The following ELAPOR2 variants were observed in gnomAD, a reference collection of about 807,000 sequenced individuals.
The protein encoded by ELAPOR2 is endosome/lysosome-associated apoptosis and autophagy regulator family member 2.
ELAPOR2 carries 89 observed loss-of-function variants against 120.7 expected under a neutral mutation model. That is an observed-to-expected ratio of 0.74 (90% confidence interval 0.62 to 0.88). ELAPOR2 has a LOEUF of 0.88. Ranked by LOEUF, ELAPOR2 falls within the 40% of genes least tolerant of loss-of-function variation. The probability of loss-of-function intolerance (pLI) is 0.00; values close to 1 mark genes in which losing one functional copy is unlikely to be tolerated. For synonymous variants in ELAPOR2, 444 were observed against 444.9 expected, an observed-to-expected ratio of 1.00 and a Z score of 0.03; for missense variants, 1,134 against 1,251.6, an observed-to-expected ratio of 0.91 and a Z score of 1.42.
chr7:86,909,478 G>A (rs1789192389), intron 16 of ELAPOR2, among the ~76,000 whole-genome samples: 1 of 152,064 alleles, frequency 6.6e-6, no homozygotes, highest in South Asian at 2.1e-4. Context: ...TAATTTAGGT[G>A]TAGTTGTGTT....
chr7:86,927,140 T>A (rs758858883), intron 8 of ELAPOR2, among the ~76,000 whole-genome samples: 1 of 151,916 alleles, frequency 6.6e-6, no homozygotes, highest in Non-Finnish European at 1.5e-5. Flanking sequence ...TGGCCTTCCC[T>A]CGTACACAGC....
chr7:86,999,010 T>C (rs756320889), intron 1 of ELAPOR2, among the ~76,000 whole-genome samples: 51 of 152,080 alleles, frequency 3.4e-4, no homozygotes, highest in Non-Finnish European at 5.7e-4. Context: ...AACTTATTTA[T>C]ATATTAGGTA....
intron 21 of ELAPOR2, among the ~76,000 whole-genome samples, chr7:86,882,130 G>A (rs1444841740): frequency 6.6e-6 from 1 of 152,202 alleles, no homozygotes; most frequent in Non-Finnish European, 1.5e-5. Flanking sequence ...GGCTCTGTGA[G>A]AACTGGCCTG....
At chr7:86,883,858 G>T (rs1202769352) in intron 21 of ELAPOR2, among the ~76,000 whole-genome samples, 5 of 152,132 alleles carry the variant, frequency 3.3e-5, no homozygotes, top group African/African-American at 1.2e-4. Flanking sequence ...TCATTAAATT[G>T]TATATTTGTA....
intron 8 of ELAPOR2, among the ~76,000 whole-genome samples, chr7:86,927,244 A>ACAT (rs1201163390): frequency 1.3e-5 from 2 of 151,980 alleles, no homozygotes; most frequent in Non-Finnish European, 2.9e-5. Flanking sequence ...TCCATAGCTG[A>ACAT]CATAAGTTTC....
chr7:86,959,204 G>A (rs1791601912), intron 2 of ELAPOR2, among the ~76,000 whole-genome samples: 1 of 152,144 alleles, frequency 6.6e-6, no homozygotes, highest in Non-Finnish European at 1.5e-5. Flanking sequence ...GTTCTAACGG[G>A]TTTTTGTGTA....
chr7:87,001,427 T>C (rs1793311562), intron 1 of ELAPOR2, among the ~76,000 whole-genome samples: 2 of 152,136 alleles, frequency 1.3e-5, no homozygotes, highest in South Asian at 2.1e-4. Context: ...CTGTAAGGCA[T>C]GGAAAATATT....
chr7:86,939,218 C>T (rs897728220), intron 6 of ELAPOR2, among the ~76,000 whole-genome samples: 3 of 152,092 alleles, frequency 2.0e-5, no homozygotes, highest in African/African-American at 7.2e-5. Flanking sequence ...CAAAAGACAA[C>T]TCCACTAACT....
Position 86,909,950 on chromosome 7 carries a change from C to A in ELAPOR2, c.2221G>T (p.Glu741Ter), listed in dbSNP as rs557781112. 3.7e-6 allele frequency: 6 copies of A among 1,613,122 alleles called. No homozygotes were observed. In the South Asian group the frequency reaches 6.6e-5, roughly 18 times the overall value. Residue 741 changes from glutamate (E) to a stop codon, truncating the protein, a stop_gained, in exon 16 of 22, where the codon GAA becomes TAA. Transcript: ENST00000450689. LOFTEE classifies it high-confidence loss of function. ...TNNITDFTVK[E>*]IVAGSDDYTN... Reference sequence around the variant, plus strand: ...TAATCATCTGACCCTGCCACTATTTCTTTTACTGTAAAGTCTGTTATATTG... The same window carrying A: ...TAATCATCTGACCCTGCCACTATTTATTTTACTGTAAAGTCTGTTATATTG...
At chr7:86,979,119 T>C (rs1054072726) in intron 1 of ELAPOR2, among the ~76,000 whole-genome samples, 1 of 129,648 alleles carries the variant, frequency 7.7e-6, no homozygotes, top group East Asian at 2.0e-4. Flanking sequence ...CCTTTAACTT[T>C]CTTTATAGCA....
intron 1 of ELAPOR2, among the ~76,000 whole-genome samples, chr7:87,055,070 A>G (rs1222007954): frequency 2.0e-5 from 3 of 152,140 alleles, no homozygotes; most frequent in Non-Finnish European, 4.4e-5. Flanking sequence ...CAACCAATCC[A>G]GTCATTTCAA....
chr7:87,032,394 G>A (rs1794448463), intron 1 of ELAPOR2, among the ~76,000 whole-genome samples: 1 of 152,124 alleles, frequency 6.6e-6, no homozygotes, highest in Non-Finnish European at 1.5e-5. Flanking sequence ...AGAAAGAGGT[G>A]TAAGGAAGAG....
At chr7:86,943,271 G>C (rs1394405297) in intron 4 of ELAPOR2, among the ~76,000 whole-genome samples, 2 of 150,210 alleles carry the variant, frequency 1.3e-5, no homozygotes, top group Non-Finnish European at 3.0e-5. Flanking sequence ...TAATCACTTA[G>C]TCTCTCTAGG....
chr7:86,941,986 G>T, intron 5 of ELAPOR2, 32 bp downstream of exon 5: 3 of 1,329,364 alleles, frequency 2.3e-6, no homozygotes, highest in South Asian at 1.3e-5. Flanking sequence ...AGGAAAAATT[G>T]GCAAAGAAGA....
chr7:87,029,006 G>T (rs1399138436), intron 1 of ELAPOR2, among the ~76,000 whole-genome samples: 3 of 152,054 alleles, frequency 2.0e-5, no homozygotes, highest in Non-Finnish European at 4.4e-5. Context: ...TCTTCACTCA[G>T]GCATTATTCA....
At chr7:86,949,077 GAATT>G (rs1397117485) in intron 2 of ELAPOR2, among the ~76,000 whole-genome samples, 1 of 152,136 alleles carries the variant, frequency 6.6e-6, no homozygotes, top group Non-Finnish European at 1.5e-5. Flanking sequence ...CTTATTCGCT[GAATT>G]AATATAATGC....
At chr7:86,996,764 T>C (rs1793138064) in intron 1 of ELAPOR2, among the ~76,000 whole-genome samples, 1 of 152,274 alleles carries the variant, frequency 6.6e-6, no homozygotes, top group Non-Finnish European at 1.5e-5. Context: ...GGATTCCAAA[T>C]GTATTCTGTC....
chr7:86,955,782 C>T (rs948902270), intron 2 of ELAPOR2, among the ~76,000 whole-genome samples: 2 of 151,930 alleles, frequency 1.3e-5, no homozygotes, highest in Admixed American at 1.3e-4. Flanking sequence ...CCATAAGCAA[C>T]CAAGTTCAAC....
intron 1 of ELAPOR2, among the ~76,000 whole-genome samples, chr7:87,016,608 A>G (rs1156701398): frequency 6.6e-6 from 1 of 150,940 alleles, no homozygotes; most frequent in Non-Finnish European, 1.5e-5. Context: ...GTAAGAACTG[A>G]CCATACTGAA....
Sources: allele counts gnomAD v4.1 joint callset (sites outside exome capture counted in the v4.1 genomes callset), GRCh38; gene constraint gnomAD v4.1.1; transcripts MANE v1.5; gene names NCBI Gene and HGNC (gene_info 2026-07-23, HGNC 2026-07-21).